Variants in CFAP92 observed in about 807,000 individuals in gnomAD.
CFAP92 encodes the protein uncharacterized protein CFAP92.
Under a neutral mutation model 106.3 loss-of-function variants are expected in CFAP92, and 86 were observed. The observed-to-expected ratio is 0.81, with a 90% CI of 0.68 to 0.97. CFAP92 has a LOEUF of 0.97. Ranked by LOEUF, CFAP92 falls within the 50% of genes least tolerant of loss-of-function variation. CFAP92 has a pLI of 0.00. For synonymous variants in CFAP92, 477 were observed against 506.4 expected, an observed-to-expected ratio of 0.94 and a Z score of 0.78; for missense variants, 1,204 against 1,283.8, an observed-to-expected ratio of 0.94 and a Z score of 0.95.
chr3:129,018,804 G>A, the CFAP92 span, among the ~76,000 whole-genome samples: 52 of 152,242 alleles, frequency 3.4e-4, no homozygotes, highest in African/African-American at 1.2e-3. Context: ...TGAGTCTTTC[G>A]GGTCTGTTTG....
At chr3:128,937,327 A>C (rs1408088852) in intron 10 of CFAP92, among the ~76,000 whole-genome samples, 1 of 151,252 alleles carries the variant, frequency 6.6e-6, no homozygotes, top group East Asian at 1.9e-4. Flanking sequence ...AAAAAAAAAA[A>C]AAAAACCACG....
At chr3:128,941,099 C>CTA (rs1376173073) in intron 10 of CFAP92, among the ~76,000 whole-genome samples, 1 of 152,086 alleles carries the variant, frequency 6.6e-6, no homozygotes, top group Admixed American at 6.5e-5. Context: ...TCCTGAAGTT[C>CTA]TATAATATTC....
At position 128,988,891 on chromosome 3, in the gene CFAP92, A is replaced by G. The variant is rs1208225628; in HGVS notation, c.290T>C (p.Ile97Thr). The G allele has an allele frequency of 1.2e-6, 2 of 1,613,558 alleles. No individual in the cohort carries two copies. The highest frequency in any genetic ancestry group is 1.7e-5 in the Admixed American group (1 of 59,978). ...MGQKGKYASL[I>T]EKYKKHPKTD... ...TTTAGGGTGTTTCTTATATTTTTCA[A>G]TCAAACTTGCATATTTTCCCTTCTG... The change falls in exon 3 of 16, where the codon ATT (isoleucine) becomes ACT (threonine). Residue 97 changes from isoleucine to threonine, a missense_variant. Coordinates refer to ENST00000645291, the MANE Select transcript of CFAP92 (RefSeq NM_001394090.1).
At chr3:128,981,543 C>G (rs894855709) in intron 4 of CFAP92, among the ~76,000 whole-genome samples, 2 of 151,498 alleles carry the variant, frequency 1.3e-5, no homozygotes, top group Non-Finnish European at 2.9e-5. Context: ...GTTGGCCACA[C>G]TGGTCTCAAA....
At chr3:128,922,183 CAAAA>C (rs372929834) in intron 12 of CFAP92, among the ~76,000 whole-genome samples, 1 of 148,344 alleles carries the variant, frequency 6.7e-6, no homozygotes, top group African/African-American at 2.5e-5. Flanking sequence ...ACTAAAAATA[CAAAA>C]AAAAAATTAG....
At chr3:128,987,038 G>C (rs1451999283) in intron 4 of CFAP92, among the ~76,000 whole-genome samples, 6 of 152,200 alleles carry the variant, frequency 3.9e-5, no homozygotes, top group Non-Finnish European at 8.8e-5. Flanking sequence ...GCGCATGCCT[G>C]GAGTCCCAGC....
At chr3:128,953,049 T>G (rs1030837745) in intron 9 of CFAP92, among the ~76,000 whole-genome samples, 1 of 152,030 alleles carries the variant, frequency 6.6e-6, no homozygotes, top group Non-Finnish European at 1.5e-5. Context: ...ACCATTGCAC[T>G]GGGCGACAGA....
upstream of CFAP92, among the ~76,000 whole-genome samples, chr3:128,997,597 G>A (rs1341644004): frequency 6.6e-6 from 1 of 152,114 alleles, no homozygotes; most frequent in Non-Finnish European, 1.5e-5. Context: ...TTCACCTACC[G>A]TTATGTTTCC....
chr3:128,925,756 T>C (rs535588792), intron 12 of CFAP92, among the ~76,000 whole-genome samples: 23 of 152,148 alleles, frequency 1.5e-4, no homozygotes, highest in Non-Finnish European at 2.2e-4. Context: ...ACAAACATCA[T>C]CATAAAACTG....
intron 12 of CFAP92, among the ~76,000 whole-genome samples, chr3:128,919,140 T>C (rs1462962204): frequency 6.6e-6 from 1 of 151,776 alleles, no homozygotes; most frequent in Non-Finnish European, 1.5e-5. Flanking sequence ...AGAGACAGGG[T>C]TTCACCATGT....
chr3:129,002,382 G>T, intron 1 of CFAP92: 1 of 1,478,692 alleles, frequency 6.8e-7, no homozygotes. Flanking sequence ...CGAACTAAAA[G>T]CTGGCTGGCT....
chr3:129,004,140 C>T, upstream of CFAP92: 1 of 1,394,526 alleles, frequency 7.2e-7, no homozygotes, highest in Non-Finnish European at 9.3e-7. Flanking sequence ...TCCCAAACTT[C>T]GGGTGTGCAA....
intron 2 of CFAP92, 93 bp from the exon 3 acceptor site, chr3:128,989,011 G>C: frequency 1.0e-6 from 1 of 967,402 alleles, no homozygotes; most frequent in African/African-American, 1.6e-5. Flanking sequence ...GTTGTGAGAG[G>C]CTGAGCACTC....
intron 12 of CFAP92, among the ~76,000 whole-genome samples, chr3:128,918,223 A>C (rs1936976825): frequency 6.6e-6 from 1 of 152,222 alleles, no homozygotes; most frequent in Non-Finnish European, 1.5e-5. Flanking sequence ...TAATCCCAGT[A>C]CTTTGGGAAG....
rs767252223 is a variant in CFAP92 at position 128,971,317 on chromosome 3, T to C, written c.1138A>G (p.Ile380Val). Reference sequence around the variant, plus strand: ...AGGAGCGGCATGACGGCCAGCTGGATGGAGAAAGCGCTCTGCTTCCTGGGG... The same window carrying C: ...AGGAGCGGCATGACGGCCAGCTGGACGGAGAAAGCGCTCTGCTTCCTGGGG... ...TGPRKQSAFS[I>V]QLAVMPLLAG... Residue 380 changes from isoleucine (I) to valine (V), a missense_variant, in exon 8 of 16, where the codon ATC (isoleucine) becomes GTC (valine). Coordinates refer to ENST00000645291, the MANE Select transcript of CFAP92 (RefSeq NM_001394090.1). 1.4e-5 allele frequency: 22 copies of C among 1,613,168 alleles called. No individual in the cohort carries two copies. Among genetic ancestry groups the C allele is most frequent in the Non-Finnish European group, 1.8e-5 (21 of 1,179,548 alleles).
At chr3:128,935,986 C>G (rs191091235) in intron 10 of CFAP92, among the ~76,000 whole-genome samples, 7 of 152,370 alleles carry the variant, frequency 4.6e-5, no homozygotes, top group Admixed American at 4.6e-4. Flanking sequence ...GGGACCTTGA[C>G]AGAGAGCTGG....
chr3:128,928,002 C>G (rs919430166), intron 12 of CFAP92, among the ~76,000 whole-genome samples: 7 of 152,140 alleles, frequency 4.6e-5, no homozygotes, highest in African/African-American at 1.7e-4. Flanking sequence ...CCTGTAATCC[C>G]AGCACTTTGG....
intron 7 of CFAP92, 72 bp from the exon 8 acceptor site, chr3:128,971,505 A>T: frequency 8.0e-7 from 1 of 1,242,494 alleles, no homozygotes; most frequent in African/African-American, 1.5e-5. Flanking sequence ...GGACCTGAAC[A>T]TGCTACAGAG....
intron 2 of CFAP92, among the ~76,000 whole-genome samples, chr3:128,991,301 C>T (rs1944198004): frequency 6.6e-6 from 1 of 152,146 alleles, no homozygotes; most frequent in Non-Finnish European, 1.5e-5. Context: ...CATAAAATGA[C>T]AAAAAGTTCA....
Sources: allele counts gnomAD v4.1 joint callset (sites outside exome capture counted in the v4.1 genomes callset), GRCh38; gene constraint gnomAD v4.1.1; transcripts MANE v1.5; gene names NCBI Gene and HGNC (gene_info 2026-07-23, HGNC 2026-07-21).